The following MGAT4C variants were observed in gnomAD, a reference collection of about 807,000 sequenced individuals.
MGAT4C encodes the protein alpha-1,3-mannosyl-glycoprotein 4-beta-N-acetylglucosaminyltransferase C.
MGAT4C carries 19 observed loss-of-function variants against 40.1 expected under a neutral mutation model. The observed-to-expected ratio is 0.47, with a 90% CI of 0.33 to 0.70. The LOEUF is 0.70. Ranked by LOEUF, MGAT4C falls within the 30% of genes least tolerant of loss-of-function variation. MGAT4C has a pLI of 0.02. For missense variants in MGAT4C, 491 were observed against 563.2 expected (o/e 0.87, Z 1.30); for synonymous variants, 181 against 187.1 (o/e 0.97, Z 0.27).
Position 86,178,098 on chromosome 12 carries a change from G to A in MGAT4C, c.-57+78141C>T, listed in dbSNP as rs889919037. On this transcript the variant is annotated intron_variant, in intron 1 of 4. Coordinates refer to ENST00000611864, the MANE Select transcript of MGAT4C (RefSeq NM_001351288.2). ...ACTACAGGTGCCCACCACCATGCCCGGCTAATTTTTTGTATTTTTGGTAGA... is the reference window on the plus strand; with the variant it reads ...ACTACAGGTGCCCACCACCATGCCCAGCTAATTTTTTGTATTTTTGGTAGA... Among the ~76,000 whole-genome samples the A allele has an allele frequency of 7.9e-5, 12 of 152,078 alleles. No homozygotes were observed. The South Asian group carries it at 8.3e-4, about 11-fold the overall frequency.
chr12:85,986,911 T>A (rs76126342), intron 3 of MGAT4C, among the ~76,000 whole-genome samples: 10,768 of 152,086 alleles, frequency 0.071, 535 homozygotes, highest in Middle Eastern at 0.24. Flanking sequence ...AATTTAATAT[T>A]AATCATTGAA....
chr12:86,279,632 T>C (rs1953163959), intron 4 of MGAT4C, among the ~76,000 whole-genome samples: 1 of 148,588 alleles, frequency 6.7e-6, no homozygotes, highest in Non-Finnish European at 1.5e-5. Context: ...TTCTTCATTT[T>C]AATTTTATTT....
intron 2 of MGAT4C, among the ~76,000 whole-genome samples, chr12:86,018,598 G>GT (rs1289409266): frequency 6.6e-6 from 1 of 152,082 alleles, no homozygotes; most frequent in Non-Finnish European, 1.5e-5. Context: ...AAAATGAAAA[G>GT]TTTTTCCGAA....
At chr12:86,026,420 T>C (rs759870141) in intron 2 of MGAT4C, among the ~76,000 whole-genome samples, 7 of 151,870 alleles carry the variant, frequency 4.6e-5, no homozygotes, top group Non-Finnish European at 8.8e-5. Context: ...TGTTTTTGTT[T>C]CTTTCACTAT....
intron 2 of MGAT4C, among the ~76,000 whole-genome samples, chr12:86,033,499 AT>A (rs1481352617): frequency 1.3e-5 from 2 of 148,392 alleles, no homozygotes; most frequent in Non-Finnish European, 3.0e-5. Context: ...TTTCTAGGTA[AT>A]TTTTTTTCTT....
At chr12:86,714,790 G>GAAGA (rs1301062718) in intron 2 of MGAT4C, among the ~76,000 whole-genome samples, 1 of 151,218 alleles carries the variant, frequency 6.6e-6, no homozygotes, top group Non-Finnish European at 1.5e-5. Flanking sequence ...AGGAAGGAAG[G>GAAGA]AAGGAAGGAA....
chr12:86,501,490 G>A (rs939972274), intron 2 of MGAT4C, among the ~76,000 whole-genome samples: 22 of 71,956 alleles, frequency 3.1e-4, no homozygotes, highest in East Asian at 1.8e-3. Context: ...CTCTTCCCCC[G>A]CCCACCCTCC....
Position 85,956,738 on chromosome 12 carries a change from A to G in MGAT4C, c.*22551T>C, listed in dbSNP as rs546486488. The G allele has an allele frequency of 6.6e-6, 1 of 152,308 alleles. No homozygotes were observed. Among genetic ancestry groups the G allele is most frequent in the Non-Finnish European group, 1.5e-5 (1 of 68,020 alleles). The allele number at this position is 152,308 out of a possible 1,614,324, so 9.4% of individuals were successfully genotyped here. On this transcript the variant is annotated 3_prime_UTR_variant, in exon 5 of 5. Coordinates refer to ENST00000611864, the MANE Select transcript of MGAT4C (RefSeq NM_001351288.2). ...TGAGCCCAAAGTCTATCCTCAACCA[A>G]TCTAATCATGCACATGTGAAACAAT...
chr12:86,669,018 C>G (rs1205079846), intron 2 of MGAT4C, among the ~76,000 whole-genome samples: 1 of 152,136 alleles, frequency 6.6e-6, no homozygotes, highest in East Asian at 1.9e-4. Flanking sequence ...AGGCAGAACT[C>G]CAGGTATTTG....
intron 3 of MGAT4C, among the ~76,000 whole-genome samples, chr12:86,429,539 G>T (rs987178185): frequency 6.6e-6 from 1 of 151,992 alleles, no homozygotes; most frequent in Non-Finnish European, 1.5e-5. Flanking sequence ...GGGTGAATAA[G>T]GTTTTTATGG....
intron 1 of MGAT4C, among the ~76,000 whole-genome samples, chr12:86,815,515 A>G (rs567660006): frequency 7.0e-6 from 1 of 142,884 alleles, no homozygotes; most frequent in Non-Finnish European, 1.6e-5. Flanking sequence ...AGAAGAAAAT[A>G]AGTCATTATT....
At chr12:86,702,280 A>C (rs1437376211) in intron 2 of MGAT4C, among the ~76,000 whole-genome samples, 2 of 151,804 alleles carry the variant, frequency 1.3e-5, no homozygotes, top group Non-Finnish European at 2.9e-5. Context: ...TCTGCGCTCA[A>C]GCAGTCCTCC....
Position 85,979,152 on chromosome 12 carries a change from G to A in MGAT4C, c.*137C>T, listed in dbSNP as rs536744820. On this transcript the variant is annotated 3_prime_UTR_variant, in exon 5 of 5. Transcript: ENST00000611864. ...TTAAGAGTAAAATTATGTCAACAATGTATAAATGAAAACTGCCAATGTAAT... is the reference window on the plus strand; with the variant it reads ...TTAAGAGTAAAATTATGTCAACAATATATAAATGAAAACTGCCAATGTAAT... 13 of 648,476 alleles carry A rather than the reference G, an allele frequency of 2.0e-5. No homozygotes were observed. In the Admixed American group the frequency reaches 4.3e-4, roughly 21 times the overall value. 40.2% of individuals were successfully genotyped at this position (648,476 alleles called of 1,614,324 possible).
chr12:86,769,390 CAT>C (rs1951585625), intron 1 of MGAT4C, among the ~76,000 whole-genome samples: 1 of 151,922 alleles, frequency 6.6e-6, no homozygotes, highest in African/African-American at 2.4e-5. Flanking sequence ...GATGTGGAGA[CAT>C]AGGAACACTT....
chr12:86,659,054 A>G (rs1198647030), intron 2 of MGAT4C, among the ~76,000 whole-genome samples: 1 of 152,056 alleles, frequency 6.6e-6, no homozygotes, highest in Non-Finnish European at 1.5e-5. Context: ...ATTGTCTTAA[A>G]CTTCTGAGAT....
chr12:86,233,980 A>G (rs189465949), intron 1 of MGAT4C, among the ~76,000 whole-genome samples: 9 of 152,268 alleles, frequency 5.9e-5, no homozygotes, highest in Admixed American at 2.6e-4. Flanking sequence ...TCTTATATAG[A>G]ACTGGATATT....
chr12:86,710,637 A>G (rs1272828375), intron 2 of MGAT4C, among the ~76,000 whole-genome samples: 1 of 152,174 alleles, frequency 6.6e-6, no homozygotes, highest in African/African-American at 2.4e-5. Context: ...GAGATTCCTT[A>G]AAGAACTAAA....
intron 2 of MGAT4C, among the ~76,000 whole-genome samples, chr12:86,671,472 C>T (rs1385033070): frequency 6.6e-6 from 1 of 152,042 alleles, no homozygotes; most frequent in East Asian, 1.9e-4. Context: ...TTTCAGCATT[C>T]TTAATGAAAG....
chr12:86,450,237 G>A (rs1957402862), intron 2 of MGAT4C, among the ~76,000 whole-genome samples: 1 of 151,932 alleles, frequency 6.6e-6, no homozygotes, highest in South Asian at 2.1e-4. Context: ...ATACTCATTG[G>A]TTTTAATCTG....
Sources: gnomAD v4.1 joint callset for allele counts (sites outside exome capture counted in the v4.1 genomes callset) on GRCh38, gnomAD v4.1.1 for gene constraint, MANE v1.5 for transcripts, NCBI Gene and HGNC (gene_info 2026-07-23, HGNC 2026-07-21) for gene names.